KCNH8: variants seen among roughly 807,000 people sequenced by gnomAD.
KCNH8 encodes the protein potassium voltage-gated channel subfamily H member 8, also known as voltage-gated delayed rectifier potassium channel KCNH8.
Under a neutral mutation model 103.6 loss-of-function variants are expected in KCNH8, and 70 were observed. The observed-to-expected ratio is 0.68, with a 90% CI of 0.56 to 0.82. The LOEUF (loss-of-function observed/expected upper bound fraction) is 0.82. Among genes scored for constraint, KCNH8 ranks in the 40% least tolerant of loss-of-function variants. The pLI is 0.00. For missense variants in KCNH8, 1,217 were observed against 1,329.9 expected, an observed-to-expected ratio of 0.92 and a Z score of 1.32; for synonymous variants, 498 against 489.4, an observed-to-expected ratio of 1.02 and a Z score of -0.23.
At chr3:19,257,917 C>G (rs956460169) in intron 2 of KCNH8, among the ~76,000 whole-genome samples, 1 of 152,142 alleles carries the variant, frequency 6.6e-6, no homozygotes, top group Non-Finnish European at 1.5e-5. Flanking sequence ...CACTTTGCTG[C>G]TGGTGGTTTG....
chr3:19,443,619 A>G lies in KCNH8; in HGVS notation c.1375+5258A>G, dbSNP rs530661260. Among the ~76,000 whole-genome samples the G allele has an allele frequency of 3.6e-3, 546 of 151,878 alleles. 3 individuals carry two copies. Among genetic ancestry groups the G allele is most frequent in the African/African-American group, 0.012 (516 of 41,520 alleles). ...CAAAAATAGTTTCTAAAAATTATAC[A>G]TAGACAAAACCATGTGAACTTTGAG... is the stretch of plus-strand genomic sequence containing the variant. On this transcript the variant is annotated intron_variant, in intron 8 of 15. Transcript: ENST00000328405.
intron 11 of KCNH8, among the ~76,000 whole-genome samples, chr3:19,493,895 G>C (rs1238898490): frequency 6.6e-6 from 1 of 152,076 alleles, no homozygotes; most frequent in African/African-American, 2.4e-5. Flanking sequence ...GTGCAGGTTT[G>C]CTATATGCAT....
At chr3:19,504,475 C>G (rs2068652544) in intron 11 of KCNH8, among the ~76,000 whole-genome samples, 1 of 151,828 alleles carries the variant, frequency 6.6e-6, no homozygotes, top group Non-Finnish European at 1.5e-5. Flanking sequence ...AACTTAAACA[C>G]ATTTACAAGC....
At chr3:19,496,636 A>G (rs972111341) in intron 11 of KCNH8, among the ~76,000 whole-genome samples, 1 of 152,108 alleles carries the variant, frequency 6.6e-6, no homozygotes, top group Admixed American at 6.5e-5. Flanking sequence ...CATCAAGGAT[A>G]TTGACCTGAA....
At chr3:19,205,162 C>T (rs2063702124) in intron 1 of KCNH8, among the ~76,000 whole-genome samples, 1 of 152,002 alleles carries the variant, frequency 6.6e-6, no homozygotes. Flanking sequence ...TCCATCCACT[C>T]ACTCTTTCAT....
At chr3:19,406,587 C>T (rs1037297080) in intron 7 of KCNH8, among the ~76,000 whole-genome samples, 2 of 152,054 alleles carry the variant, frequency 1.3e-5, no homozygotes, top group Non-Finnish European at 2.9e-5. Flanking sequence ...TTGTGAGATT[C>T]TTCACAACAT....
chr3:19,383,615 CA>C (rs1402381960), intron 5 of KCNH8, among the ~76,000 whole-genome samples: 1 of 152,158 alleles, frequency 6.6e-6, no homozygotes, highest in Non-Finnish European at 1.5e-5. Flanking sequence ...TCATGTGATC[CA>C]CCCGCCTTGG....
chr3:19,459,085 A>G (rs1208937188), intron 11 of KCNH8, among the ~76,000 whole-genome samples: 1 of 152,074 alleles, frequency 6.6e-6, no homozygotes, highest in Non-Finnish European at 1.5e-5. Flanking sequence ...TCTTTAAGAT[A>G]CTGATTTCAT....
chr3:19,416,945 G>A (rs913223614), intron 7 of KCNH8, among the ~76,000 whole-genome samples: 1 of 151,844 alleles, frequency 6.6e-6, no homozygotes, highest in South Asian at 2.1e-4. Flanking sequence ...TTTATAAAAG[G>A]TGTAGTTCCA....
chr3:19,178,922 G>GT (rs1164794296), intron 1 of KCNH8, among the ~76,000 whole-genome samples: 1 of 152,074 alleles, frequency 6.6e-6, no homozygotes, highest in Non-Finnish European at 1.5e-5. Context: ...GATGGATTAG[G>GT]TAAGATGCGA....
chr3:19,162,865 G>A (rs1559403349), intron 1 of KCNH8, among the ~76,000 whole-genome samples: 1 of 152,056 alleles, frequency 6.6e-6, no homozygotes, highest in Non-Finnish European at 1.5e-5. Context: ...AATATAAAAA[G>A]TATATAATTC....
At chr3:19,431,698 G>A (rs6549867) in intron 7 of KCNH8, among the ~76,000 whole-genome samples, 98,230 of 151,892 alleles carry the variant, frequency 0.65, 32,120 homozygotes, top group African/African-American at 0.72. Flanking sequence ...CACCTGTTCA[G>A]GGATTCAATT....
intron 1 of KCNH8, among the ~76,000 whole-genome samples, chr3:19,240,654 C>G (rs2064128208): frequency 6.6e-6 from 1 of 151,110 alleles, no homozygotes; most frequent in African/African-American, 2.4e-5. Context: ...ATCTATTCAA[C>G]TGCATACTTT....
At chr3:19,502,981 T>G (rs1327574550) in intron 11 of KCNH8, among the ~76,000 whole-genome samples, 42 of 151,478 alleles carry the variant, frequency 2.8e-4, no homozygotes, top group African/African-American at 9.4e-4. Context: ...ACCATCAGAG[T>G]GAACAGGCAA....
At chr3:19,410,369 A>G (rs2066757937) in intron 7 of KCNH8, among the ~76,000 whole-genome samples, 1 of 152,084 alleles carries the variant, frequency 6.6e-6, no homozygotes, top group African/African-American at 2.4e-5. Context: ...TAACATACCA[A>G]AATATCTGGG....
intron 7 of KCNH8, among the ~76,000 whole-genome samples, chr3:19,419,580 G>T (rs909242081): frequency 6.6e-6 from 1 of 152,112 alleles, no homozygotes; most frequent in Non-Finnish European, 1.5e-5. Flanking sequence ...TTACTTGAAT[G>T]TGAGAGTCTT....
At chr3:19,523,989 CAA>C (rs1215552271) in intron 15 of KCNH8, among the ~76,000 whole-genome samples, 1 of 151,806 alleles carries the variant, frequency 6.6e-6, no homozygotes, top group East Asian at 1.9e-4. Context: ...CTCCCTGAGT[CAA>C]AGAGATGGAA....
chr3:19,431,457 C>T (rs1240462148), intron 7 of KCNH8, among the ~76,000 whole-genome samples: 1 of 151,970 alleles, frequency 6.6e-6, no homozygotes, highest in Non-Finnish European at 1.5e-5. Flanking sequence ...CTTTGTTTTA[C>T]CTCTGCCAGG....
chr3:19,157,051 A>G (rs2063188341), intron 1 of KCNH8, among the ~76,000 whole-genome samples: 1 of 151,916 alleles, frequency 6.6e-6, no homozygotes, highest in South Asian at 2.1e-4. Flanking sequence ...TGTCAGTCCA[A>G]ATGAATCTTT....
Sources: allele counts gnomAD v4.1 joint callset (sites outside exome capture counted in the v4.1 genomes callset), GRCh38; gene constraint gnomAD v4.1.1; transcripts MANE v1.5; gene names NCBI Gene and HGNC (gene_info 2026-07-23, HGNC 2026-07-21).